Variants in PARD3 observed in about 807,000 individuals in gnomAD.
PARD3 encodes the protein par-3 family cell polarity regulator, also known as partitioning defective 3 homolog.
A neutral mutation model predicts 155.4 loss-of-function variants in PARD3; 75 were observed. That is an observed-to-expected ratio of 0.48 (90% confidence interval 0.40 to 0.58). The LOEUF is 0.58. PARD3 is among the 20% of genes least tolerant of loss of function. The pLI is 0.00. For synonymous variants in PARD3, 576 were observed against 610.5 expected (o/e 0.94, Z 0.83); for missense variants, 1,642 against 1,721.7 (o/e 0.95, Z 0.82).
rs1468418700 is a variant in PARD3 at position 34,355,937 on chromosome 10, A to C, written c.2067+3210T>G. 8.6e-3 allele frequency among the ~76,000 whole-genome samples: 1,137 copies of C among 132,052 alleles called. 33 individuals carry two copies. The highest frequency in any genetic ancestry group is 0.043 in the African/African-American group (1,072 of 24,862). The allele number at this position is 132,052 out of a possible 152,430, so 86.6% of individuals were successfully genotyped here. A position where few individuals can be genotyped will look rare whatever the true frequency, so the allele number is the denominator to read the frequency against. On this transcript the variant is annotated intron_variant, in intron 14 of 24. Coordinates refer to ENST00000374788, the MANE Select transcript of PARD3 (RefSeq NM_001184785.2). ...GACACTCCGTCTCAAAAAAAAAAAA[A>C]AAAAAAAAACAAAACAAAACCAAAC...
At chr10:34,346,395 G>C in intron 15 of PARD3, 1 of 1,336,518 alleles carries the variant, frequency 7.5e-7, no homozygotes, top group African/African-American at 1.5e-5. Context: ...GCAGGACGCA[G>C]GTTACAGGAA....
intron 3 of PARD3, among the ~76,000 whole-genome samples, chr10:34,503,094 C>T (rs2080826585): frequency 6.6e-6 from 1 of 152,198 alleles, no homozygotes; most frequent in South Asian, 2.1e-4. Flanking sequence ...AGTAGATACT[C>T]ATGTACTACT....
At chr10:34,813,091 G>C (rs1327288647) in intron 1 of PARD3, among the ~76,000 whole-genome samples, 2 of 152,204 alleles carry the variant, frequency 1.3e-5, no homozygotes, top group Non-Finnish European at 2.9e-5. Context: ...CACAGTCAAA[G>C]CTTCAGAATT....
At chr10:34,268,955 A>G (rs1482495858) in intron 22 of PARD3, among the ~76,000 whole-genome samples, 1 of 152,176 alleles carries the variant, frequency 6.6e-6, no homozygotes, top group Non-Finnish European at 1.5e-5. Context: ...AATAAGATAA[A>G]ACACAAATAA....
chr10:34,155,622 GC>G (rs979672706), intron 22 of PARD3, among the ~76,000 whole-genome samples: 2 of 149,590 alleles, frequency 1.3e-5, no homozygotes, highest in Non-Finnish European at 1.5e-5. Context: ...GCTTTTCACA[GC>G]TTTTTTTTCT....
At chr10:34,430,946 G>A (rs2075867969) in intron 5 of PARD3, among the ~76,000 whole-genome samples, 1 of 152,296 alleles carries the variant, frequency 6.6e-6, no homozygotes, top group Middle Eastern at 3.4e-3. Flanking sequence ...GGAACATGTA[G>A]GTCATGTGAT....
chr10:34,360,248 A>G lies in PARD3; in HGVS notation c.1719T>C (p.Asp573=), dbSNP rs1564627343. 2 of 1,612,058 alleles carry G rather than the reference A, an allele frequency of 1.2e-6. No homozygotes were observed. The highest frequency in any genetic ancestry group is 1.7e-6 in the Non-Finnish European group (2 of 1,178,118). The change falls in exon 13 of 25, where the codon GAT becomes GAC. Residue 573 remains aspartate (D), a synonymous_variant. Coordinates refer to ENST00000374788, the MANE Select transcript of PARD3 (RefSeq NM_001184785.2). ...CATCAGGTGTAAGAACAATATCCTC[A>G]TCTTCTGCTTTCTAATAGGGAACAA... ...MQIPKETKAE[D]EDIVLTPDGT...
intron 24 of PARD3, among the ~76,000 whole-genome samples, chr10:34,118,573 T>C (rs1272802146): frequency 2.0e-5 from 3 of 152,132 alleles, no homozygotes; most frequent in Admixed American, 1.3e-4. Flanking sequence ...CTCGAACTCC[T>C]GGGCTCAAAT....
chr10:34,698,023 A>C (rs1406119357), intron 1 of PARD3, among the ~76,000 whole-genome samples: 1 of 152,060 alleles, frequency 6.6e-6, no homozygotes, highest in Non-Finnish European at 1.5e-5. Context: ...AATAAGAAAG[A>C]GGTGTCCCCT....
intron 2 of PARD3, among the ~76,000 whole-genome samples, chr10:34,681,870 T>C (rs1441166056): frequency 1.4e-5 from 2 of 142,836 alleles, no homozygotes; most frequent in African/African-American, 5.2e-5. Flanking sequence ...GACCTCCCAC[T>C]TTGGCCTCCC....
At chr10:34,776,841 G>GC in intron 1 of PARD3, among the ~76,000 whole-genome samples, 1 of 129,740 alleles carries the variant, frequency 7.7e-6, no homozygotes, top group East Asian at 2.7e-4. Flanking sequence ...TTTGTGGGGG[G>GC]GGGGGGCGGG....
Position 34,119,644 on chromosome 10 carries a change from G to A in PARD3, c.3637C>T (p.Gln1213Ter), listed in dbSNP as rs1946875069. Residue 1213 changes from glutamine to a stop codon, truncating the protein, a stop_gained, in exon 24 of 25, where the codon CAG becomes TAG. Transcript: ENST00000374788. LOFTEE classifies it high-confidence loss of function. ...AGAGAGCTGTACTGGCGCTGGGCCT[G>A]CTGGGAGCTCTCGCGCTCCTCCTGC... ...QRQEERESSQ[Q>*]AQRQYSSLPR... 6.2e-7 allele frequency: 1 copy of A among 1,610,884 alleles called. No homozygotes were observed. Among genetic ancestry groups the A allele is most frequent in the Non-Finnish European group, 8.5e-7 (1 of 1,179,022 alleles).
chr10:34,172,689 ATCT>A (rs1949852580), intron 22 of PARD3, among the ~76,000 whole-genome samples: 2 of 151,868 alleles, frequency 1.3e-5, no homozygotes, highest in South Asian at 2.1e-4. Context: ...TCTGTTACAA[ATCT>A]TCTGAGATTC....
At chr10:34,164,417 C>T (rs1024113947) in intron 22 of PARD3, among the ~76,000 whole-genome samples, 1 of 152,194 alleles carries the variant, frequency 6.6e-6, no homozygotes, top group African/African-American at 2.4e-5. Context: ...AATTTCAGGT[C>T]ATTTGATATG....
chr10:34,576,014 C>A (rs2086858556), intron 2 of PARD3, among the ~76,000 whole-genome samples: 3 of 152,172 alleles, frequency 2.0e-5, no homozygotes. Flanking sequence ...CTCATAAGAA[C>A]GAGTCAGGGA....
At chr10:34,753,133 CA>C (rs1369368626) in intron 1 of PARD3, among the ~76,000 whole-genome samples, 1 of 152,170 alleles carries the variant, frequency 6.6e-6, no homozygotes, top group Admixed American at 6.6e-5. Context: ...CTCGATTCTC[CA>C]GCTCCAGCAG....
chr10:34,556,083 AAAG>A (rs2084956626), intron 2 of PARD3, among the ~76,000 whole-genome samples: 1 of 152,198 alleles, frequency 6.6e-6, no homozygotes, highest in African/African-American at 2.4e-5. Context: ...AACTCATGGG[AAAG>A]AAGAATAAAG....
chr10:34,288,619 T>C (rs665070), intron 20 of PARD3, among the ~76,000 whole-genome samples: 103,178 of 152,120 alleles, frequency 0.68, 36,377 homozygotes, highest in African/African-American at 0.88. Flanking sequence ...CAGCTGAAAT[T>C]GGCAATCAAC....
chr10:34,552,879 C>T (rs1025676447), intron 2 of PARD3, among the ~76,000 whole-genome samples: 7 of 152,066 alleles, frequency 4.6e-5, no homozygotes, highest in Non-Finnish European at 5.9e-5. Context: ...AAAGTAATTA[C>T]GGTTTTTGCA....
Sources: gnomAD v4.1 joint callset for allele counts (sites outside exome capture counted in the v4.1 genomes callset) on GRCh38, gnomAD v4.1.1 for gene constraint, MANE v1.5 for transcripts, NCBI Gene and HGNC (gene_info 2026-07-23, HGNC 2026-07-21) for gene names.